The following CNTNAP2 variants were observed in gnomAD, a reference collection of about 807,000 sequenced individuals.
CNTNAP2 encodes the protein contactin-associated protein-like 2.
Under a neutral mutation model 155.2 loss-of-function variants are expected in CNTNAP2, and 98 were observed. The ratio of observed to expected loss-of-function variants is 0.63; its 90% confidence interval spans 0.54 to 0.75. The LOEUF (loss-of-function observed/expected upper bound fraction) is 0.75. Ranked by LOEUF, CNTNAP2 falls within the 30% of genes least tolerant of loss-of-function variation. CNTNAP2 has a pLI of 0.00. For synonymous variants in CNTNAP2, 651 were observed against 631.2 expected, an observed-to-expected ratio of 1.03 and a Z score of -0.47; for missense variants, 1,727 against 1,688.1, an observed-to-expected ratio of 1.02 and a Z score of -0.40.
chr7:147,021,057 T>A (rs1301467093), intron 3 of CNTNAP2, among the ~76,000 whole-genome samples: 11 of 152,140 alleles, frequency 7.2e-5, no homozygotes, highest in African/African-American at 2.7e-4. Flanking sequence ...ACATAAGGAA[T>A]CACGCAAGTT....
chr7:146,118,569 G>T (rs1011693172), intron 1 of CNTNAP2, among the ~76,000 whole-genome samples: 10 of 151,956 alleles, frequency 6.6e-5, no homozygotes, highest in African/African-American at 9.7e-5. Context: ...CTGATTGAAG[G>T]TCCTCATATC....
intron 9 of CNTNAP2, among the ~76,000 whole-genome samples, chr7:147,315,544 T>C (rs1016326406): frequency 3.3e-5 from 5 of 149,876 alleles, no homozygotes; most frequent in Admixed American, 2.7e-4. Context: ...TGCAGTGGCA[T>C]GATCTCGGCT....
chr7:148,008,643 A>G (rs1294492692), intron 15 of CNTNAP2, among the ~76,000 whole-genome samples: 2 of 152,208 alleles, frequency 1.3e-5, no homozygotes, highest in African/African-American at 4.8e-5. Context: ...ACTTCCTGTG[A>G]GACAGCTTCA....
At chr7:148,050,214 T>A (rs1415024362) in intron 15 of CNTNAP2, among the ~76,000 whole-genome samples, 1 of 152,144 alleles carries the variant, frequency 6.6e-6, no homozygotes, top group Non-Finnish European at 1.5e-5. Flanking sequence ...TCAGGAGGGA[T>A]TCCAGAAGAA....
At chr7:147,382,783 T>C (rs1269463134) in intron 9 of CNTNAP2, among the ~76,000 whole-genome samples, 1 of 152,052 alleles carries the variant, frequency 6.6e-6, no homozygotes, top group Non-Finnish European at 1.5e-5. Flanking sequence ...AGACAAGAAG[T>C]CAGTACAGGA....
chr7:146,419,169 T>C (rs1795976979), intron 1 of CNTNAP2, among the ~76,000 whole-genome samples: 1 of 152,054 alleles, frequency 6.6e-6, no homozygotes. Flanking sequence ...AAGGTGAAAG[T>C]CACATCTTAC....
chr7:146,890,912 C>A (rs1291309885), intron 3 of CNTNAP2, among the ~76,000 whole-genome samples: 2 of 152,158 alleles, frequency 1.3e-5, no homozygotes, highest in African/African-American at 2.4e-5. Context: ...GAAAATAAAT[C>A]ATTCTACCAA....
chr7:146,420,052 A>G (rs1258180658), intron 1 of CNTNAP2, among the ~76,000 whole-genome samples: 1 of 152,180 alleles, frequency 6.6e-6, no homozygotes, highest in African/African-American at 2.4e-5. Flanking sequence ...GCCACCCTCT[A>G]GGAAGAGAAG....
chr7:147,717,830 A>G (rs1278503726), intron 13 of CNTNAP2, among the ~76,000 whole-genome samples: 1 of 151,996 alleles, frequency 6.6e-6, no homozygotes, highest in Non-Finnish European at 1.5e-5. Flanking sequence ...ATAGTGAGTT[A>G]TGATGGTGCC....
intron 13 of CNTNAP2, among the ~76,000 whole-genome samples, chr7:147,648,742 A>G (rs548684496): frequency 1.2e-4 from 19 of 152,238 alleles, no homozygotes; most frequent in African/African-American, 4.3e-4. Context: ...CCCTCCCACA[A>G]CACGTGGGAA....
At chr7:147,871,184 T>G (rs775298449) in intron 13 of CNTNAP2, among the ~76,000 whole-genome samples, 1 of 152,224 alleles carries the variant, frequency 6.6e-6, no homozygotes, top group African/African-American at 2.4e-5. Flanking sequence ...GATTTAGATA[T>G]GTATTGAAAG....
At chr7:148,041,827 C>T in intron 15 of CNTNAP2, among the ~76,000 whole-genome samples, 1 of 151,880 alleles carries the variant, frequency 6.6e-6, no homozygotes, top group East Asian at 1.9e-4. Flanking sequence ...GGTGCAAAGG[C>T]TAAAAAAAGG....
At chr7:146,204,304 G>A (rs984381522) in intron 1 of CNTNAP2, among the ~76,000 whole-genome samples, 5 of 152,236 alleles carry the variant, frequency 3.3e-5, no homozygotes, top group Admixed American at 1.3e-4. Context: ...AAAATGTTCT[G>A]TGCTTCTGCT....
chr7:148,055,318 C>T (rs571816607), intron 15 of CNTNAP2, among the ~76,000 whole-genome samples: 25 of 152,184 alleles, frequency 1.6e-4, no homozygotes, highest in African/African-American at 5.8e-4. Context: ...TTTTGAAGTG[C>T]GTTGGGTTGG....
At chr7:146,458,212 A>C (rs749650527) in intron 1 of CNTNAP2, among the ~76,000 whole-genome samples, 1 of 152,118 alleles carries the variant, frequency 6.6e-6, no homozygotes, top group African/African-American at 2.4e-5. Context: ...CCTAGGTGAT[A>C]GGTTGATCTG....
At chr7:147,718,058 T>C (rs1324525016) in intron 13 of CNTNAP2, among the ~76,000 whole-genome samples, 2 of 152,128 alleles carry the variant, frequency 1.3e-5, no homozygotes, top group South Asian at 2.1e-4. Context: ...AAATTCATAG[T>C]CATCTTTGTA....
At chr7:146,196,220 A>G (rs1185004718) in intron 1 of CNTNAP2, among the ~76,000 whole-genome samples, 1 of 152,186 alleles carries the variant, frequency 6.6e-6, no homozygotes, top group Admixed American at 6.5e-5. Flanking sequence ...AATCACCCAC[A>G]CTTTTCAATG....
Position 146,461,189 on chromosome 7 carries a change from G to C in CNTNAP2, c.98-313082G>C, listed in dbSNP as rs181410779. ...GAGGCCGAGGTGGGTGGATCATGAG[G>C]TCAGGAGATGGAAACCATCCTGGTA... On this transcript the variant is annotated intron_variant, in intron 1 of 23. Transcript: ENST00000361727. Among the ~76,000 whole-genome samples the C allele has an allele frequency of 6.2e-3, 949 of 152,074 alleles. 31 individuals are homozygous for C. Among genetic ancestry groups the C allele is most frequent in the Non-Finnish European group, 3.3e-3 (226 of 67,972 alleles).
At chr7:146,534,840 A>G (rs1317047351) in intron 1 of CNTNAP2, among the ~76,000 whole-genome samples, 1 of 151,210 alleles carries the variant, frequency 6.6e-6, no homozygotes, top group Non-Finnish European at 1.5e-5. Flanking sequence ...ATTTATTGCC[A>G]TTATGATTTT....
Sources: allele counts gnomAD v4.1 joint callset (sites outside exome capture counted in the v4.1 genomes callset), GRCh38; gene constraint gnomAD v4.1.1; transcripts MANE v1.5; gene names NCBI Gene and HGNC (gene_info 2026-07-23, HGNC 2026-07-21).